Variants in NRXN3 observed in about 807,000 individuals in gnomAD.
NRXN3 encodes neurexin III.
A neutral mutation model predicts 137.6 loss-of-function variants in NRXN3; 32 were observed. The ratio of observed to expected loss-of-function variants is 0.23; its 90% CI spans 0.18 to 0.31. The LOEUF is 0.31. NRXN3 is among the 10% of genes least tolerant of loss of function. The pLI is 1.00. For missense variants in NRXN3, 1,574 were observed against 2,062.5 expected (o/e 0.76, Z 4.59); for synonymous variants, 798 against 784.5 (o/e 1.02, Z -0.29).
chr14:79,548,807 CCAAG>C (rs1345050818), intron 16 of NRXN3, among the ~76,000 whole-genome samples: 1 of 151,558 alleles, frequency 6.6e-6, no homozygotes, highest in Non-Finnish European at 1.5e-5. Context: ...CATCTGCTGC[CCAAG>C]CAAAGAAACA....
intron 15 of NRXN3, among the ~76,000 whole-genome samples, chr14:79,058,321 G>A (rs1467314180): frequency 6.6e-6 from 1 of 152,042 alleles, no homozygotes; most frequent in Non-Finnish European, 1.5e-5. Flanking sequence ...GAGGGTCTGT[G>A]TTGCTCCAGG....
intron 15 of NRXN3, among the ~76,000 whole-genome samples, chr14:79,227,772 TCCTTCCTTC>T (rs1471783537): frequency 5.0e-5 from 6 of 120,098 alleles, no homozygotes; most frequent in African/African-American, 1.8e-4. Context: ...CTTCCTTCCT[TCCTTCCTTC>T]CTTCCCTCCT....
At chr14:79,480,766 T>C (rs1323809659) in intron 16 of NRXN3, among the ~76,000 whole-genome samples, 2 of 152,066 alleles carry the variant, frequency 1.3e-5, no homozygotes, top group South Asian at 2.1e-4. Context: ...GTCCTTGTGA[T>C]AGAGTTCTCA....
chr14:78,843,391 G>A (rs1157957416), intron 10 of NRXN3, among the ~76,000 whole-genome samples: 2 of 152,022 alleles, frequency 1.3e-5, no homozygotes, highest in Non-Finnish European at 2.9e-5. Context: ...TAATACAATA[G>A]GCTTAATGAC....
intron 15 of NRXN3, among the ~76,000 whole-genome samples, chr14:79,175,909 G>T (rs1737839711): frequency 1.3e-5 from 2 of 152,184 alleles, no homozygotes; most frequent in Admixed American, 1.3e-4. Flanking sequence ...GCACACATTT[G>T]TGGCATGCAC....
intron 3 of NRXN3, among the ~76,000 whole-genome samples, chr14:78,288,377 A>G (rs1383200916): frequency 6.6e-6 from 1 of 152,232 alleles, no homozygotes; most frequent in Non-Finnish European, 1.5e-5. Context: ...ACTTAATGTC[A>G]GTGAAAGTCT....
intron 4 of NRXN3, among the ~76,000 whole-genome samples, chr14:78,426,340 C>G (rs972864544): frequency 3.3e-5 from 5 of 152,162 alleles, no homozygotes; most frequent in African/African-American, 9.7e-5. Flanking sequence ...TCATCTAACA[C>G]CTTGACAGTA....
chr14:79,020,866 C>CACACACAT (rs2099588458), intron 15 of NRXN3, among the ~76,000 whole-genome samples: 1 of 147,318 alleles, frequency 6.8e-6, no homozygotes, highest in Admixed American at 6.7e-5. Flanking sequence ...GCATTTTACA[C>CACACACAT]ACACACACAC....
At chr14:79,321,918 G>T (rs1326841298) in intron 15 of NRXN3, among the ~76,000 whole-genome samples, 1 of 150,400 alleles carries the variant, frequency 6.6e-6, no homozygotes, top group African/African-American at 2.4e-5. Context: ...TGTAGTTGTA[G>T]AAAGGGTCTT....
intron 10 of NRXN3, among the ~76,000 whole-genome samples, chr14:78,831,262 T>G (rs2098980867): frequency 6.6e-6 from 1 of 151,964 alleles, no homozygotes; most frequent in African/African-American, 2.4e-5. Context: ...CGATTCTCAC[T>G]GAAAAAGAAT....
rs982853176 is a variant in NRXN3 at position 79,355,260 on chromosome 14, C to G, written c.3263-111961C>G. Among the ~76,000 whole-genome samples, 9 of 150,634 alleles carry G rather than the reference C, an allele frequency of 6.0e-5. No individual in the cohort carries two copies. The South Asian group carries it at 1.0e-3, about 18-fold the overall frequency. The stretch of plus-strand genomic sequence containing the variant: ...TCCTGGGCTTTTCTGTCCCCCACCC[C>G]CTTCCTTCCCTCCTTCCTCTGTCCC... On this transcript the variant is annotated intron_variant, in intron 15 of 20. Coordinates refer to ENST00000335750, the MANE Select transcript of NRXN3 (RefSeq NM_001330195.2).
intron 15 of NRXN3, among the ~76,000 whole-genome samples, chr14:79,273,405 C>G (rs1186781318): frequency 6.6e-6 from 1 of 151,678 alleles, no homozygotes; most frequent in South Asian, 2.1e-4. Context: ...GAGGCCAAGA[C>G]GAGCGGATCA....
chr14:79,698,093 T>A (rs1290033108), intron 19 of NRXN3, among the ~76,000 whole-genome samples, 156 bp downstream of exon 19: 1 of 151,932 alleles, frequency 6.6e-6, no homozygotes, highest in Non-Finnish European at 1.5e-5. Flanking sequence ...AAGAGAAAGG[T>A]GAAGTCATTG....
intron 16 of NRXN3, among the ~76,000 whole-genome samples, chr14:79,518,567 C>T (rs917790656): frequency 6.6e-6 from 1 of 152,066 alleles, no homozygotes; most frequent in East Asian, 1.9e-4. Context: ...ATTCTGCATC[C>T]TGCTTCCTTA....
chr14:78,631,036 G>T lies in NRXN3; in HGVS notation c.758-14084G>T, dbSNP rs141386379. On this transcript the variant is annotated intron_variant, in intron 4 of 20. Coordinates refer to ENST00000335750, the MANE Select transcript of NRXN3 (RefSeq NM_001330195.2). ...AGTTTTTATTGTAAATTATTTTAATGGCATTCTGTTGTTTATCCTAGTCTC... is the reference window on the plus strand; with the variant it reads ...AGTTTTTATTGTAAATTATTTTAATTGCATTCTGTTGTTTATCCTAGTCTC... Among the ~76,000 whole-genome samples, 592 of 152,214 alleles carry T rather than the reference G, an allele frequency of 3.9e-3. 4 individuals carry two copies. The highest frequency in any genetic ancestry group is 0.013 in the African/African-American group (541 of 41,530).
At chr14:78,286,469 G>T (rs910342687) in intron 3 of NRXN3, among the ~76,000 whole-genome samples, 1 of 152,130 alleles carries the variant, frequency 6.6e-6, no homozygotes, top group African/African-American at 2.4e-5. Context: ...GACCCTCCCA[G>T]TCTGCAGACC....
intron 15 of NRXN3, among the ~76,000 whole-genome samples, chr14:79,064,789 A>G (rs189890832): frequency 8.3e-4 from 96 of 115,838 alleles, no homozygotes; most frequent in African/African-American, 2.9e-3. Flanking sequence ...ATATATATAT[A>G]ATTACCCATA....
chr14:78,372,536 A>G (rs2087055187), intron 4 of NRXN3, among the ~76,000 whole-genome samples: 1 of 152,152 alleles, frequency 6.6e-6, no homozygotes, highest in Non-Finnish European at 1.5e-5. Context: ...CATGTTGGCC[A>G]GGCTGGTCTC....
intron 15 of NRXN3, among the ~76,000 whole-genome samples, chr14:79,236,943 A>G (rs1249399571): frequency 1.3e-5 from 2 of 152,170 alleles, no homozygotes; most frequent in African/African-American, 4.8e-5. Flanking sequence ...AGTGTGTTAG[A>G]TCTGCATATT....
Sources: allele counts gnomAD v4.1 joint callset (sites outside exome capture counted in the v4.1 genomes callset), GRCh38; gene constraint gnomAD v4.1.1; transcripts MANE v1.5; gene names NCBI Gene and HGNC (gene_info 2026-07-23, HGNC 2026-07-21).